The following SLC39A8 variants were observed in gnomAD, a reference collection of about 807,000 sequenced individuals.
SLC39A8 encodes solute carrier family 39 member 8, also known as metal cation symporter ZIP8.
In SLC39A8, 15 loss-of-function variants were observed where a neutral mutation model predicts 40.4. The ratio of observed to expected loss-of-function variants is 0.37; its 90% CI spans 0.25 to 0.57. The LOEUF is 0.57. Among genes scored for constraint, SLC39A8 ranks in the 20% least tolerant of loss-of-function variants. The pLI is 0.75. For missense variants in SLC39A8, 472 were observed against 558.8 expected (o/e 0.84, Z 1.57); for synonymous variants, 223 against 221.6 (o/e 1.01, Z -0.06).
intron 6 of SLC39A8, among the ~76,000 whole-genome samples, chr4:102,302,406 G>A (rs1430902167): frequency 6.6e-6 from 1 of 151,932 alleles, no homozygotes; most frequent in Non-Finnish European, 1.5e-5. Flanking sequence ...CTTGTGTAAG[G>A]CAACTAGAAT....
chr4:102,297,720 C>A (rs1733741790), intron 6 of SLC39A8, among the ~76,000 whole-genome samples: 1 of 152,006 alleles, frequency 6.6e-6, no homozygotes, highest in African/African-American at 2.4e-5. Context: ...AGTTCAAGAT[C>A]AGCCTGGGCA....
intron 2 of SLC39A8, among the ~76,000 whole-genome samples, chr4:102,334,406 G>C (rs1054111740): frequency 6.6e-6 from 1 of 152,128 alleles, no homozygotes. Context: ...ATATTGTTTC[G>C]AGTATCAAAT....
chr4:102,322,736 C>T (rs1019890237), intron 2 of SLC39A8, among the ~76,000 whole-genome samples: 1 of 152,170 alleles, frequency 6.6e-6, no homozygotes, highest in Non-Finnish European at 1.5e-5. Flanking sequence ...GATTGAGATT[C>T]TGTGGGAGGC....
chr4:102,268,824 TTTG>T (rs1732223416), intron 6 of SLC39A8, among the ~76,000 whole-genome samples: 1 of 152,228 alleles, frequency 6.6e-6, no homozygotes, highest in Admixed American at 6.5e-5. Flanking sequence ...TGATGGACTC[TTTG>T]TAGGAATTTA....
intron 6 of SLC39A8, among the ~76,000 whole-genome samples, chr4:102,297,101 T>C (rs1159801313): frequency 1.3e-5 from 2 of 152,120 alleles, no homozygotes; most frequent in Admixed American, 6.6e-5. Context: ...GAATATCACA[T>C]GCTGCCTAGA....
intron 6 of SLC39A8, among the ~76,000 whole-genome samples, chr4:102,290,298 T>C (rs946335560): frequency 1.3e-5 from 2 of 152,172 alleles, no homozygotes; most frequent in Non-Finnish European, 2.9e-5. Flanking sequence ...AGTGAAAACA[T>C]ATCTTTTATA....
chr4:102,337,582 C>T (rs147046250), intron 2 of SLC39A8, among the ~76,000 whole-genome samples: 45 of 152,318 alleles, frequency 3.0e-4, no homozygotes, highest in Middle Eastern at 3.4e-3. Context: ...CTCGGCTCAC[C>T]TACTCTTCCC....
chr4:102,272,162 A>G (rs1018152416), intron 6 of SLC39A8, among the ~76,000 whole-genome samples: 4 of 152,028 alleles, frequency 2.6e-5, no homozygotes, highest in African/African-American at 7.2e-5. Flanking sequence ...ACATAACTAG[A>G]CCTCGTCTAT....
intron 6 of SLC39A8, among the ~76,000 whole-genome samples, chr4:102,296,077 T>C (rs1438688689): frequency 6.6e-6 from 1 of 152,126 alleles, no homozygotes; most frequent in East Asian, 1.9e-4. Context: ...CCAAATTCTC[T>C]TAATTTATCT....
At chr4:102,314,658 C>T (rs147512324) in intron 3 of SLC39A8, among the ~76,000 whole-genome samples, 14 of 152,196 alleles carry the variant, frequency 9.2e-5, no homozygotes, top group South Asian at 4.1e-4. Flanking sequence ...TCACTAGAGA[C>T]GACCTTGCTG....
intron 6 of SLC39A8, among the ~76,000 whole-genome samples, chr4:102,297,725 T>A (rs150914945): frequency 6.6e-6 from 1 of 152,014 alleles, no homozygotes; most frequent in Non-Finnish European, 1.5e-5. Flanking sequence ...AAGATCAGCC[T>A]GGGCAACATA....
chr4:102,256,879 G>C (rs1339934963), downstream of SLC39A8, among the ~76,000 whole-genome samples: 3 of 152,190 alleles, frequency 2.0e-5, no homozygotes, highest in Admixed American at 1.3e-4. Context: ...TGCAAGTGGG[G>C]TGCAGGGAAA....
intron 8 of SLC39A8, among the ~76,000 whole-genome samples, chr4:102,266,489 G>T (rs1732102865): frequency 6.6e-6 from 1 of 152,114 alleles, no homozygotes; most frequent in Non-Finnish European, 1.5e-5. Context: ...AATACATCCA[G>T]TTCCAAATGC....
intron 6 of SLC39A8, among the ~76,000 whole-genome samples, chr4:102,272,403 C>T (rs554056251): frequency 1.4e-4 from 21 of 150,682 alleles, no homozygotes; most frequent in Admixed American, 1.3e-3. Flanking sequence ...CGCAGTGAGC[C>T]GAGCCTGGGT....
chr4:102,272,609 AATCT>A (rs1732419267), intron 6 of SLC39A8, among the ~76,000 whole-genome samples: 1 of 152,022 alleles, frequency 6.6e-6, no homozygotes, highest in South Asian at 2.1e-4. Context: ...TAAATAAAGT[AATCT>A]ATCTTATTTT....
intron 6 of SLC39A8, among the ~76,000 whole-genome samples, chr4:102,293,398 C>T (rs540666053): frequency 5.5e-4 from 84 of 151,994 alleles, no homozygotes; most frequent in Middle Eastern, 3.4e-3. Flanking sequence ...GCCAATAAAA[C>T]AAGAGAAATA....
chr4:102,314,304 G>A (rs527337199), intron 3 of SLC39A8, among the ~76,000 whole-genome samples: 44 of 152,000 alleles, frequency 2.9e-4, no homozygotes, highest in African/African-American at 9.2e-4. Flanking sequence ...CCTGGCAATC[G>A]CTTCCTGACC....
At chr4:102,307,355 T>G (rs1200006409) in intron 4 of SLC39A8, 81 bp downstream of exon 4, 1 of 1,498,242 alleles carries the variant, frequency 6.7e-7, no homozygotes, top group Non-Finnish European at 9.1e-7. Flanking sequence ...CTGTAAGAAT[T>G]ATGGAGGCTA....
At chr4:102,299,246 C>G (rs1733806857) in intron 6 of SLC39A8, among the ~76,000 whole-genome samples, 1 of 151,718 alleles carries the variant, frequency 6.6e-6, no homozygotes, top group Admixed American at 6.6e-5. Context: ...TAGACAAGCC[C>G]CATGCATATA....
Sources: gnomAD v4.1 joint callset for allele counts (sites outside exome capture counted in the v4.1 genomes callset) on GRCh38, gnomAD v4.1.1 for gene constraint, MANE v1.5 for transcripts, NCBI Gene and HGNC (gene_info 2026-07-23, HGNC 2026-07-21) for gene names.